Variants in COL4A5 observed in about 807,000 individuals in gnomAD.
COL4A5 encodes collagen type IV alpha 5 chain.
In COL4A5, 26 loss-of-function variants were observed where a neutral mutation model predicts 130.2. The observed-to-expected ratio is 0.20, with a 90% confidence interval of 0.15 to 0.28. The LOEUF (loss-of-function observed/expected upper bound fraction) is 0.28. Among genes scored for constraint, COL4A5 ranks in the 10% least tolerant of loss-of-function variants. The probability of loss-of-function intolerance (pLI) is 1.00; values close to 1 mark genes in which losing one functional copy is unlikely to be tolerated. For missense variants in COL4A5, 1,131 were observed against 1,344.3 expected (o/e 0.84, Z 2.48); for synonymous variants, 496 against 439.6 (o/e 1.13, Z -1.60).
intron 29 of COL4A5, among the ~76,000 whole-genome samples, chrX:108,608,290 T>G (rs1392659577): frequency 9.0e-6 from 1 of 111,590 alleles, no homozygotes; most frequent in Non-Finnish European, 1.9e-5. Context: ...AACATTTTAT[T>G]GTTAAAAAAT....
At position 108,692,937 on chromosome X, in the gene COL4A5, A is replaced by T. The variant is rs2068660772; in HGVS notation, c.4706+12A>T. The T allele has an allele frequency of 8.3e-7, 1 of 1,208,747 alleles. No individual in the cohort carries two copies. Among genetic ancestry groups the T allele is most frequent in the African/African-American group, 1.7e-5 (1 of 57,254 alleles). ...CCATTCATTAGTCGGTAAGGCATTG[A>T]TTTAGCTGTGACTTTTACCAATCCC... On this transcript the variant is annotated intron_variant, in intron 50 of 52. Coordinates refer to ENST00000328300, the MANE Select transcript of COL4A5 (RefSeq NM_033380.3).
intron 48 of COL4A5, among the ~76,000 whole-genome samples, chrX:108,686,989 C>G (rs1015499233): frequency 2.7e-5 from 3 of 111,877 alleles, no homozygotes; most frequent in African/African-American, 6.5e-5. Flanking sequence ...GTCCAAAGGC[C>G]TGTATATACA....
chrX:108,577,372 C>CAAAAAAAA (rs746311921), intron 10 of COL4A5, among the ~76,000 whole-genome samples: 96 of 29,162 alleles, frequency 3.3e-3, no homozygotes, highest in Middle Eastern at 0.021. Flanking sequence ...AACTCCTTCT[C>CAAAAAAAA]AAAAAAAAAA....
At position 108,568,468 on chromosome X, in the gene COL4A5, G is replaced by A. The variant is rs966991654; in HGVS notation, c.277-161G>A. Among the ~76,000 whole-genome samples, 3 of 111,720 alleles carry A rather than the reference G, an allele frequency of 2.7e-5. 1 individual carries two copies. The Admixed American group carries it at 2.8e-4, about 11-fold the overall frequency. The stretch of plus-strand genomic sequence containing the variant: ...AAGAGACTTTTAAACACATGTAAGA[G>A]ATTTTTCTCTAATGTTTCAAAGAAC... On this transcript the variant is annotated intron_variant, in intron 4 of 52. Coordinates refer to ENST00000328300, the MANE Select transcript of COL4A5 (RefSeq NM_033380.3).
intron 1 of COL4A5, chrX:108,462,964 C>T (rs1267279125): frequency 2.7e-5 from 3 of 112,164 alleles, no homozygotes; most frequent in African/African-American, 6.5e-5. Flanking sequence ...CAGCTTTTCT[C>T]TTTCACTTTA....
chrX:108,606,990 A>ACCC (rs2066739924), intron 29 of COL4A5, 98 bp downstream of exon 29: 3 of 871,254 alleles, frequency 3.4e-6, no homozygotes, highest in Non-Finnish European at 3.4e-6. Flanking sequence ...TTAACTGGAA[A>ACCC]CCCTATGCTG....
chrX:108,580,518 C>T lies in COL4A5; in HGVS notation c.781-15C>T. On this transcript the variant is annotated splice_polypyrimidine_tract_variant and intron_variant, in intron 13 of 52. Transcript: ENST00000328300. ...CAGTATTAACATTGATTTCCTTTCC[C>T]CTACTACTGCATAGGGACTTCCTGG... 1 of 1,194,724 alleles carries T rather than the reference C, an allele frequency of 8.4e-7. No individual in the cohort carries two copies. The highest frequency in any genetic ancestry group is 3.0e-5 in the East Asian group (1 of 33,790).
chrX:108,591,459 T>G, intron 20 of COL4A5, 102 bp from the exon 21 acceptor site: 1 of 727,973 alleles, frequency 1.4e-6, no homozygotes, highest in East Asian at 3.2e-5. Flanking sequence ...GTACTTTTAT[T>G]TCTTCAGAGA....
In COL4A5 at chrX:108,598,824, A is replaced by G; in HGVS notation, c.1902A>G (p.Lys634=). The change falls in exon 25 of 53, where the codon AAA becomes AAG. Residue 634 remains lysine, a synonymous_variant. Coordinates refer to ENST00000328300, the MANE Select transcript of COL4A5 (RefSeq NM_033380.3). ...GCCCTCCAGGCCCAGTAGGTGAAAA[A>G]GGCATACAAGGTGTGGCAGGAAATC... ...GFGPPGPVGE[K]GIQGVAGNPG... 1 of 1,210,765 alleles carries G rather than the reference A, an allele frequency of 8.3e-7. No homozygotes were observed. The highest frequency in any genetic ancestry group is 1.1e-6 in the Non-Finnish European group (1 of 894,896).
At chrX:108,472,226 GAT>G (rs2064779327) in intron 1 of COL4A5, among the ~76,000 whole-genome samples, 1 of 111,245 alleles carries the variant, frequency 9.0e-6, no homozygotes. Flanking sequence ...TTCAGTTTTT[GAT>G]ATTTTTTCAG....
At chrX:108,612,479 T>G (rs1468807130) in intron 29 of COL4A5, among the ~76,000 whole-genome samples, 1 of 111,577 alleles carries the variant, frequency 9.0e-6, no homozygotes, top group African/African-American at 3.2e-5. Context: ...TATCTAAAAA[T>G]AAATTATGTT....
intron 1 of COL4A5, among the ~76,000 whole-genome samples, chrX:108,452,156 A>C (rs1483828145): frequency 9.0e-6 from 1 of 111,369 alleles, no homozygotes; most frequent in Non-Finnish European, 1.9e-5. Flanking sequence ...GTTATTTCTG[A>C]GGGCTCTGTT....
chrX:108,467,529 CT>C (rs1466314942), intron 1 of COL4A5, among the ~76,000 whole-genome samples: 2 of 111,808 alleles, frequency 1.8e-5, no homozygotes, highest in Non-Finnish European at 3.8e-5. Flanking sequence ...TACTATTACT[CT>C]TTCTGCATAA....
chrX:108,546,469 A>T (rs777453684), intron 2 of COL4A5, among the ~76,000 whole-genome samples: 23 of 112,176 alleles, frequency 2.1e-4, no homozygotes, highest in African/African-American at 6.5e-4. Context: ...AGTTTCTGCC[A>T]AGAGATCCAC....
intron 47 of COL4A5, among the ~76,000 whole-genome samples, chrX:108,683,674 C>G (rs1362695622): frequency 1.8e-5 from 2 of 111,496 alleles, no homozygotes; most frequent in African/African-American, 6.5e-5. Flanking sequence ...TGGGAGTTCA[C>G]TCATGATTTG....
At position 108,518,182 on chromosome X, in the gene COL4A5, T is replaced by C. The variant is rs896231236; in HGVS notation, c.82-21564T>C. Among the ~76,000 whole-genome samples, 7 of 111,397 alleles carry C rather than the reference T, an allele frequency of 6.3e-5. No homozygotes were observed. The Admixed American group carries it at 6.7e-4, about 11-fold the overall frequency. On this transcript the variant is annotated intron_variant, in intron 1 of 52. Transcript: ENST00000328300. ...ATTCTGATTTAGAGTAATTTTCTAA[T>C]ATAGAAATCTCATTTACCCAAATAC...
chrX:108,675,688 C>T, intron 43 of COL4A5, among the ~76,000 whole-genome samples: 1 of 110,878 alleles, frequency 9.0e-6, no homozygotes, highest in East Asian at 2.8e-4. Context: ...TCTCATATGC[C>T]AGATAGAGTC....
At chrX:108,495,997 G>A (rs1222359710) in intron 1 of COL4A5, among the ~76,000 whole-genome samples, 1 of 112,135 alleles carries the variant, frequency 8.9e-6, no homozygotes, top group Non-Finnish European at 1.9e-5. Flanking sequence ...TGATTACATC[G>A]GACCCCTTCT....
In COL4A5 at chrX:108,591,128, A is replaced by C. The variant is rs1219779746; in HGVS notation, c.1236A>C (p.Gly412=). The C allele has an allele frequency of 4.1e-6, 5 of 1,209,698 alleles. No homozygotes were observed. In the African/African-American group the frequency reaches 6.9e-5, roughly 17 times the overall value. Reference sequence around the variant, plus strand: ...AAAGGGGTCAGAAAGGTGATGAAGGACCACCTGGAATTTCCATTCCTGGAC... The same window carrying C: ...AAAGGGGTCAGAAAGGTGATGAAGGCCCACCTGGAATTTCCATTCCTGGAC... ...PGERGQKGDE[G]PPGISIPGPP... Residue 412 remains glycine (G), a synonymous_variant, in exon 20 of 53, where the codon GGA becomes GGC. Coordinates refer to ENST00000328300, the MANE Select transcript of COL4A5 (RefSeq NM_033380.3).
Sources: gnomAD v4.1 joint callset for allele counts (sites outside exome capture counted in the v4.1 genomes callset) on GRCh38, gnomAD v4.1.1 for gene constraint, MANE v1.5 for transcripts, NCBI Gene and HGNC (gene_info 2026-07-23, HGNC 2026-07-21) for gene names.